Variants in ERICH1 observed in about 807,000 individuals in gnomAD.
ERICH1 encodes glutamate-rich protein 1.
Under a neutral mutation model 39.6 loss-of-function variants are expected in ERICH1, and 56 were observed. That is an observed-to-expected ratio of 1.41 (90% confidence interval 1.14 to 1.77). ERICH1 has a LOEUF of 1.77. ERICH1 is among the 40% of genes most tolerant of loss of function. ERICH1 has a pLI of 0.00. For synonymous variants in ERICH1, 313 were observed against 223.6 expected, an observed-to-expected ratio of 1.40 and a Z score of -3.57; for missense variants, 826 against 575.4, an observed-to-expected ratio of 1.44 and a Z score of -4.45.
intron 3 of ERICH1, chr8:626,092 C>T (rs192651160): frequency 1.3e-5 from 2 of 152,234 alleles, no homozygotes; most frequent in Admixed American, 1.3e-4. Context: ...TCCACACACC[C>T]TCCCTGGCCT....
chr8:617,448 C>A (rs1370871404), intron 3 of ERICH1, among the ~76,000 whole-genome samples: 1 of 152,344 alleles, frequency 6.6e-6, no homozygotes, highest in South Asian at 2.1e-4. Context: ...CATCTGACCC[C>A]ACTGGGGAGT....
intron 3 of ERICH1, among the ~76,000 whole-genome samples, chr8:687,266 C>G (rs1320874338): frequency 6.6e-6 from 1 of 152,200 alleles, no homozygotes; most frequent in Admixed American, 6.5e-5. Context: ...CCTCACACCG[C>G]TTGTGATTAG....
chr8:625,623 A>G (rs756921436), intron 3 of ERICH1: 1 of 152,224 alleles, frequency 6.6e-6, no homozygotes, highest in Non-Finnish European at 1.5e-5. Context: ...ATTTTACGGT[A>G]AGCAAATTAT....
At chr8:724,526 G>C (rs560183005) in intron 1 of ERICH1, among the ~76,000 whole-genome samples, 2 of 152,086 alleles carry the variant, frequency 1.3e-5, no homozygotes, top group East Asian at 1.9e-4. Context: ...CTGCCCCGAC[G>C]GGGGCGGGAC....
chr8:686,106 G>C (rs574222029), intron 3 of ERICH1, among the ~76,000 whole-genome samples: 2 of 152,256 alleles, frequency 1.3e-5, no homozygotes, highest in Admixed American at 1.3e-4. Context: ...GGTGCAGTGA[G>C]ATTGCGCCAC....
At chr8:638,211 C>A (rs1307507298) in intron 3 of ERICH1, among the ~76,000 whole-genome samples, 1 of 152,220 alleles carries the variant, frequency 6.6e-6, no homozygotes, top group African/African-American at 2.4e-5. Flanking sequence ...CGTTTCTTAT[C>A]TTTTACTTAC....
intron 3 of ERICH1, among the ~76,000 whole-genome samples, chr8:691,337 T>C (rs1585347357): frequency 6.6e-6 from 1 of 152,370 alleles, no homozygotes; most frequent in South Asian, 2.1e-4. Flanking sequence ...AACACTGCTG[T>C]AGCTCAGTCC....
chr8:657,470 T>G (rs775733600), intron 3 of ERICH1, among the ~76,000 whole-genome samples: 1 of 151,928 alleles, frequency 6.6e-6, no homozygotes, highest in African/African-American at 2.4e-5. Context: ...GGCTGATGTT[T>G]TGGGGCTGGA....
At chr8:632,617 C>CA (rs1798113984) in intron 3 of ERICH1, among the ~76,000 whole-genome samples, 1 of 151,980 alleles carries the variant, frequency 6.6e-6, no homozygotes, top group South Asian at 2.1e-4. Context: ...GTGAAAAACC[C>CA]AAAGAAAGGG....
chr8:674,915 C>T (rs562716822), intron 3 of ERICH1, among the ~76,000 whole-genome samples: 2 of 152,332 alleles, frequency 1.3e-5, no homozygotes, highest in African/African-American at 4.8e-5. Flanking sequence ...CTCCAATCTG[C>T]TCATTTCCCT....
chr8:671,870 G>T (rs1396981974), intron 4 of ERICH1: 1 of 169,864 alleles, frequency 5.9e-6, no homozygotes, highest in African/African-American at 2.4e-5. Context: ...TGGGCTCCAG[G>T]CTGCGACCTC....
chr8:701,505 C>A (rs147031815), intron 2 of ERICH1, among the ~76,000 whole-genome samples: 2 of 152,194 alleles, frequency 1.3e-5, no homozygotes, highest in African/African-American at 4.8e-5. Context: ...GAGCCACAGA[C>A]GCAGGCCCAG....
intron 3 of ERICH1, among the ~76,000 whole-genome samples, chr8:692,184 T>A (rs576125647): frequency 6.6e-6 from 1 of 152,342 alleles, no homozygotes; most frequent in South Asian, 2.1e-4. Flanking sequence ...GTATTTAATA[T>A]GTATTTAGTT....
chr8:625,466 G>A (rs1333494421), intron 3 of ERICH1, among the ~76,000 whole-genome samples: 1 of 152,170 alleles, frequency 6.6e-6, no homozygotes, highest in Non-Finnish European at 1.5e-5. Flanking sequence ...TGCTGGGGCT[G>A]AGGGTACGGG....
chr8:726,778 T>C (rs1439948815), intron 1 of ERICH1, among the ~76,000 whole-genome samples: 5 of 143,432 alleles, frequency 3.5e-5, no homozygotes, highest in Admixed American at 1.4e-4. Context: ...CATGTACACA[T>C]ACACACATAC....
At chr8:622,231 A>G (rs1242470208) in intron 3 of ERICH1, among the ~76,000 whole-genome samples, 1 of 152,144 alleles carries the variant, frequency 6.6e-6, no homozygotes, top group Non-Finnish European at 1.5e-5. Context: ...CAGAAAAATA[A>G]AAATAAATAA....
chr8:688,589 G>A (rs1342898905), intron 3 of ERICH1, among the ~76,000 whole-genome samples: 4 of 152,084 alleles, frequency 2.6e-5, no homozygotes, highest in African/African-American at 9.7e-5. Flanking sequence ...TGAATTACTT[G>A]GTAAACCCTG....
intron 3 of ERICH1, chr8:616,693 G>C (rs1796918888): frequency 4.5e-6 from 2 of 444,956 alleles, no homozygotes; most frequent in Admixed American, 4.8e-5. Context: ...GGAAGACAGA[G>C]AGGGACAGGG....
intron 3 of ERICH1, among the ~76,000 whole-genome samples, chr8:633,610 C>A (rs986180128): frequency 2.0e-5 from 3 of 152,178 alleles, no homozygotes; most frequent in Non-Finnish European, 4.4e-5. Context: ...AAGCTGGAGA[C>A]TCACATTTCC....
Sources: gnomAD v4.1 joint callset for allele counts (sites outside exome capture counted in the v4.1 genomes callset) on GRCh38, gnomAD v4.1.1 for gene constraint, MANE v1.5 for transcripts, NCBI Gene and HGNC (gene_info 2026-07-23, HGNC 2026-07-21) for gene names.